LINGO2: variants seen among roughly 807,000 people sequenced by gnomAD.
The protein encoded by LINGO2 is leucine-rich repeat and immunoglobulin-like domain-containing nogo receptor-interacting protein 2.
LINGO2 carries 14 observed loss-of-function variants against 30.6 expected under a neutral mutation model. That is an observed-to-expected ratio of 0.46 (90% CI 0.30 to 0.72). LINGO2 has a LOEUF of 0.72. LINGO2 is among the 30% of genes least tolerant of loss of function. The probability of loss-of-function intolerance (pLI) is 0.07; values close to 1 mark genes in which losing one functional copy is unlikely to be tolerated. For missense variants in LINGO2, 729 were observed against 751.7 expected (o/e 0.97, Z 0.35); for synonymous variants, 317 against 288.5 (o/e 1.10, Z -1.00).
the LINGO2 span, among the ~76,000 whole-genome samples, chr9:28,820,230 G>T: frequency 2.8e-5 from 4 of 145,420 alleles, no homozygotes; most frequent in East Asian, 2.1e-4. Context: ...GAAAGGGCAC[G>T]TGCTGGAGAA....
the LINGO2 span, among the ~76,000 whole-genome samples, chr9:28,784,818 G>C: frequency 1.3e-5 from 2 of 152,034 alleles, no homozygotes; most frequent in Non-Finnish European, 2.9e-5. Flanking sequence ...TGGGCGTGGT[G>C]GCGTGCACCT....
chr9:28,655,483 G>T (rs1436493568), intron 1 of LINGO2, among the ~76,000 whole-genome samples: 2 of 152,072 alleles, frequency 1.3e-5, no homozygotes, highest in Non-Finnish European at 2.9e-5. Context: ...GGTACTGTTG[G>T]AAGAACATGA....
chr9:29,153,506 T>A, the LINGO2 span, among the ~76,000 whole-genome samples: 1 of 152,194 alleles, frequency 6.6e-6, no homozygotes, highest in Non-Finnish European at 1.5e-5. Context: ...AAATAAAAGT[T>A]TTTTATTATT....
chr9:28,707,182 G>A, the LINGO2 span, among the ~76,000 whole-genome samples: 1 of 152,002 alleles, frequency 6.6e-6, no homozygotes, highest in East Asian at 1.9e-4. Flanking sequence ...ATAAATAATT[G>A]TTGAATCAAT....
intron 4 of LINGO2, among the ~76,000 whole-genome samples, chr9:28,210,498 A>G (rs1481003535): frequency 1.3e-5 from 2 of 151,690 alleles, no homozygotes; most frequent in African/African-American, 4.8e-5. Context: ...ATGAGTTGGG[A>G]GAGAGATGCC....
chr9:29,207,180 T>C, the LINGO2 span, among the ~76,000 whole-genome samples: 1 of 151,840 alleles, frequency 6.6e-6, no homozygotes, highest in Admixed American at 6.6e-5. Flanking sequence ...TCATATGATA[T>C]TGTACATATA....
chr9:28,763,316 G>C, the LINGO2 span, among the ~76,000 whole-genome samples: 1 of 151,922 alleles, frequency 6.6e-6, no homozygotes, highest in Non-Finnish European at 1.5e-5. Flanking sequence ...AATTTAAGAA[G>C]ACTGAAATCA....
At chr9:28,202,443 A>C (rs1820270472) in intron 4 of LINGO2, among the ~76,000 whole-genome samples, 1 of 152,114 alleles carries the variant, frequency 6.6e-6, no homozygotes, top group South Asian at 2.1e-4. Context: ...TACCTCCCTG[A>C]ATGTGCCTGA....
chr9:28,222,771 G>C (rs1821011449), intron 4 of LINGO2, among the ~76,000 whole-genome samples: 1 of 152,134 alleles, frequency 6.6e-6, no homozygotes, highest in Admixed American at 6.5e-5. Context: ...ATGAAGGTAA[G>C]TCAAATACAC....
chr9:29,134,164 T>C, the LINGO2 span, among the ~76,000 whole-genome samples: 1 of 152,128 alleles, frequency 6.6e-6, no homozygotes, highest in East Asian at 1.9e-4. Flanking sequence ...TCTGTCCAAG[T>C]CTGTAAAACC....
rs377076597 is a variant in LINGO2 at position 28,051,198 on chromosome 9, T to TA, written c.-86-38794dup. On this transcript the variant is annotated intron_variant, in intron 4 of 5. Transcript: ENST00000379992. ...TCACAGATGCAGTTGAGGTCATGACTACAACACCATCAGCTAGTATAGTTT... is the reference window on the plus strand; with the variant it reads ...TCACAGATGCAGTTGAGGTCATGACTAACAACACCATCAGCTAGTATAGTTT... Among the ~76,000 whole-genome samples, 103 of 151,830 alleles carry TA rather than the reference T, an allele frequency of 6.8e-4. 5 individuals carry two copies. The highest frequency in any genetic ancestry group is 2.4e-3 in the African/African-American group (99 of 41,324).
chr9:28,945,200 T>A, the LINGO2 span, among the ~76,000 whole-genome samples: 1 of 152,210 alleles, frequency 6.6e-6, no homozygotes. Context: ...TATAAATCTA[T>A]TTGTATTAAT....
At chr9:29,091,877 T>C in the LINGO2 span, among the ~76,000 whole-genome samples, 3 of 152,188 alleles carry the variant, frequency 2.0e-5, no homozygotes, top group East Asian at 3.9e-4. Context: ...ATTTTTGTTT[T>C]AGATTTTGTC....
chr9:28,188,210 C>T (rs1819611843), intron 4 of LINGO2, among the ~76,000 whole-genome samples: 1 of 152,156 alleles, frequency 6.6e-6, no homozygotes, highest in Admixed American at 6.6e-5. Context: ...TAGCTAATTT[C>T]TACTTATTCA....
At chr9:28,639,533 G>T (rs567106659) in intron 1 of LINGO2, among the ~76,000 whole-genome samples, 5 of 152,272 alleles carry the variant, frequency 3.3e-5, no homozygotes, top group Admixed American at 2.6e-4. Context: ...ATTTAGGATA[G>T]TTAGCTCTTC....
the LINGO2 span, among the ~76,000 whole-genome samples, chr9:28,930,114 A>C: frequency 2.0e-5 from 3 of 152,082 alleles, no homozygotes; most frequent in Non-Finnish European, 4.4e-5. This position sits in a 1 kb window ranked among gnomAD's most constrained non-coding sequence, Gnocchi z 4.2. Context: ...AGGGATGCCT[A>C]GTGACTGGCA....
chr9:28,867,600 C>A, the LINGO2 span, among the ~76,000 whole-genome samples: 7 of 152,034 alleles, frequency 4.6e-5, no homozygotes, highest in East Asian at 1.4e-3. Context: ...AAAAGAAAAA[C>A]TTTCATTATC....
At chr9:29,064,666 AATAC>A in the LINGO2 span, among the ~76,000 whole-genome samples, 1 of 152,094 alleles carries the variant, frequency 6.6e-6, no homozygotes, top group East Asian at 1.9e-4. Flanking sequence ...TTTATTAAAT[AATAC>A]ATACAGTTAT....
chr9:28,806,718 A>G, the LINGO2 span, among the ~76,000 whole-genome samples: 5 of 152,132 alleles, frequency 3.3e-5, no homozygotes, highest in Non-Finnish European at 5.9e-5. Context: ...TATAATTAAA[A>G]CAATATAAAG....
Sources: gnomAD v4.1 joint callset for allele counts (sites outside exome capture counted in the v4.1 genomes callset) on GRCh38, gnomAD v4.1.1 for gene constraint, Gnocchi (gnomAD v3.1) non-coding constraint, MANE v1.5 for transcripts, NCBI Gene and HGNC (gene_info 2026-07-23, HGNC 2026-07-21) for gene names.